The following ZNF385D variants were observed in gnomAD, a reference collection of about 807,000 sequenced individuals.
ZNF385D encodes zinc finger protein 385D.
A neutral mutation model predicts 35.8 loss-of-function variants in ZNF385D; 15 were observed. The ratio of observed to expected loss-of-function variants is 0.42; its 90% CI spans 0.28 to 0.64. The LOEUF (loss-of-function observed/expected upper bound fraction) is 0.64. Ranked by LOEUF, ZNF385D falls within the 30% of genes least tolerant of loss-of-function variation. ZNF385D has a pLI of 0.23. For missense variants in ZNF385D, 474 were observed against 494.6 expected (o/e 0.96, Z 0.39); for synonymous variants, 212 against 186.8 (o/e 1.13, Z -1.10).
chr3:21,777,896 A>C (rs1368330777), intron 3 of ZNF385D: 1 of 151,884 alleles, frequency 6.6e-6, no homozygotes, highest in Non-Finnish European at 1.5e-5. Context: ...GAGACACCCT[A>C]GCTAGCTTAA....
intron 2 of ZNF385D, among the ~76,000 whole-genome samples, chr3:22,336,786 G>A (rs9870464): frequency 0.28 from 42,282 of 151,076 alleles, 6,130 homozygotes; most frequent in African/African-American, 0.31. Context: ...TCTTAAAACA[G>A]TAAGTTTTAA....
chr3:21,753,415 C>T (rs570329101), upstream of ZNF385D, among the ~76,000 whole-genome samples: 2 of 152,280 alleles, frequency 1.3e-5, no homozygotes, highest in Admixed American at 1.3e-4. Context: ...GTCACAAATA[C>T]ATCAGCAGGG....
Position 22,123,972 on chromosome 3 carries a change from A to C in ZNF385D, c.325+44845T>G, listed in dbSNP as rs867213953. ...TCTCTCTCTCTCTCTCTATATATAT[A>C]TATATATATATATATATTGCTGACT... On this transcript the variant is annotated intron_variant, in intron 3 of 5. Coordinates refer to the ZNF385D transcript ENST00000494108. Among the ~76,000 whole-genome samples, 802 of 130,030 alleles carry C rather than the reference A, an allele frequency of 6.2e-3. 4 individuals are homozygous for C. Among genetic ancestry groups the C allele is most frequent in the East Asian group, 0.013 (57 of 4,296 alleles). The allele number at this position is 130,030 out of a possible 152,430, so 85.3% of individuals were successfully genotyped here.
intron 2 of ZNF385D, among the ~76,000 whole-genome samples, chr3:22,308,006 A>G (rs773543914): frequency 5.9e-5 from 9 of 152,108 alleles, no homozygotes; most frequent in Non-Finnish European, 1.0e-4. Flanking sequence ...ATCAAATTCC[A>G]TACTATAATT....
chr3:22,188,171 T>C (rs531807687), intron 2 of ZNF385D, among the ~76,000 whole-genome samples: 11 of 152,268 alleles, frequency 7.2e-5, no homozygotes, highest in African/African-American at 2.4e-4. Context: ...AACCGAATTT[T>C]CAAAGTTTAT....
chr3:22,241,239 G>GA (rs1025369159), intron 2 of ZNF385D, among the ~76,000 whole-genome samples: 8 of 151,248 alleles, frequency 5.3e-5, no homozygotes, highest in African/African-American at 2.0e-4. Context: ...GCACAACACT[G>GA]AAAGAAAGCT....
intron 2 of ZNF385D, among the ~76,000 whole-genome samples, chr3:22,192,632 A>G (rs1696135810): frequency 6.6e-6 from 1 of 152,160 alleles, no homozygotes; most frequent in African/African-American, 2.4e-5. Flanking sequence ...AGCCTTCAAG[A>G]GATTATTGAT....
At chr3:21,522,378 C>T (rs1396702709) in intron 3 of ZNF385D, among the ~76,000 whole-genome samples, 1 of 152,122 alleles carries the variant, frequency 6.6e-6, no homozygotes, top group Non-Finnish European at 1.5e-5. Context: ...CACTCTGTCA[C>T]CCAGGCTAGA....
At chr3:22,076,201 A>G (rs150526858) in intron 3 of ZNF385D, among the ~76,000 whole-genome samples, 7 of 151,950 alleles carry the variant, frequency 4.6e-5, no homozygotes, top group East Asian at 1.9e-4. Context: ...TAACTCACCA[A>G]TTCAAAAGTC....
chr3:22,346,328 G>GA (rs35414117), intron 2 of ZNF385D, among the ~76,000 whole-genome samples: 1 of 151,882 alleles, frequency 6.6e-6, no homozygotes, highest in Non-Finnish European at 1.5e-5. Flanking sequence ...ATCTGTTGGG[G>GA]AAAAAAAGGC....
intron 3 of ZNF385D, among the ~76,000 whole-genome samples, chr3:21,973,209 T>C (rs1703376078): frequency 6.6e-6 from 1 of 151,932 alleles, no homozygotes; most frequent in Non-Finnish European, 1.5e-5. Flanking sequence ...ATTAAAAAAA[T>C]CATTCATCAT....
intron 4 of ZNF385D, among the ~76,000 whole-genome samples, chr3:21,470,574 A>G (rs1192881952): frequency 1.3e-5 from 2 of 152,174 alleles, no homozygotes; most frequent in Non-Finnish European, 2.9e-5. Context: ...ATCAAGTGAG[A>G]TGTGTGCTTA....
chr3:22,181,977 G>A (rs984737276), intron 2 of ZNF385D, among the ~76,000 whole-genome samples: 44 of 152,178 alleles, frequency 2.9e-4, no homozygotes, highest in African/African-American at 8.9e-4. Context: ...ATAAGCAGCT[G>A]AATGCCGCAA....
intron 3 of ZNF385D, among the ~76,000 whole-genome samples, chr3:21,880,534 C>T (rs990352401): frequency 1.3e-5 from 2 of 151,930 alleles, no homozygotes; most frequent in Non-Finnish European, 2.9e-5. Context: ...CCTTTCTATC[C>T]ACCGGTCGAC....
At chr3:21,631,159 A>T (rs2065270263) in intron 2 of ZNF385D, among the ~76,000 whole-genome samples, 1 of 152,104 alleles carries the variant, frequency 6.6e-6, no homozygotes, top group Non-Finnish European at 1.5e-5. Flanking sequence ...ACTGAATAGA[A>T]ACTTTCTGAT....
At chr3:22,110,360 T>G (rs1379439326) in intron 3 of ZNF385D, among the ~76,000 whole-genome samples, 1 of 152,018 alleles carries the variant, frequency 6.6e-6, no homozygotes, top group Non-Finnish European at 1.5e-5. Flanking sequence ...GCGGCACTAT[T>G]CACAATAGCA....
At chr3:21,724,488 A>C (rs2068674128) in intron 1 of ZNF385D, among the ~76,000 whole-genome samples, 1 of 57,200 alleles carries the variant, frequency 1.7e-5, no homozygotes, top group African/African-American at 4.5e-5. Context: ...AAAAAAAAAA[A>C]AAAAAAAAAA....
intron 1 of ZNF385D, among the ~76,000 whole-genome samples, chr3:21,703,344 T>C (rs747959935): frequency 1.1e-4 from 16 of 152,224 alleles, no homozygotes; most frequent in South Asian, 1.0e-3. Flanking sequence ...ATGATTCAAT[T>C]ACCTCCCCCT....
At chr3:22,153,089 C>T (rs1007579384) in intron 3 of ZNF385D, among the ~76,000 whole-genome samples, 24 of 152,172 alleles carry the variant, frequency 1.6e-4, no homozygotes, top group Non-Finnish European at 2.8e-4. Context: ...TGTACTACTG[C>T]ATACAACCAT....
Sources: allele counts gnomAD v4.1 joint callset (sites outside exome capture counted in the v4.1 genomes callset), GRCh38; gene constraint gnomAD v4.1.1; transcripts MANE v1.5; gene names NCBI Gene and HGNC (gene_info 2026-07-23, HGNC 2026-07-21).